Variants in FAF1 observed in about 807,000 individuals in gnomAD.
The protein encoded by FAF1 is FAS-associated factor 1.
In FAF1, 25 loss-of-function variants were observed where a neutral mutation model predicts 92.5. That is an observed-to-expected ratio of 0.27 (90% confidence interval 0.20 to 0.38). The LOEUF (loss-of-function observed/expected upper bound fraction) is 0.38. Among genes scored for constraint, FAF1 ranks in the 10% least tolerant of loss-of-function variants. The pLI is 1.00. For missense variants in FAF1, 636 were observed against 793.3 expected (o/e 0.80, Z 2.38); for synonymous variants, 234 against 273.2 (o/e 0.86, Z 1.42).
chr1:50,906,829 G>T (rs756981527), intron 1 of FAF1, among the ~76,000 whole-genome samples: 1 of 152,096 alleles, frequency 6.6e-6, no homozygotes, highest in South Asian at 2.1e-4. Flanking sequence ...CTGCAAACAG[G>T]GACAATCTGA....
intron 1 of FAF1, among the ~76,000 whole-genome samples, chr1:50,901,338 C>G (rs1160487585): frequency 6.6e-6 from 1 of 152,002 alleles, no homozygotes; most frequent in Non-Finnish European, 1.5e-5. Context: ...TATTTTAATT[C>G]CAAGTAATTT....
At chr1:50,519,344 G>A (rs1016491782) in intron 15 of FAF1, among the ~76,000 whole-genome samples, 1 of 121,686 alleles carries the variant, frequency 8.2e-6, no homozygotes, top group Non-Finnish European at 1.7e-5. Flanking sequence ...AGAAAGGAAG[G>A]AATGAAGGAA....
rs1383437010 is a variant in FAF1 at position 50,959,940 on chromosome 1, G to C, written c.-129C>G. ...CCGAGGGGCTGGCGGGCGAGCCGGCGGGCGGGTCGGCGGGCCAGCGGGCGG... is the reference window on the plus strand; with the variant it reads ...CCGAGGGGCTGGCGGGCGAGCCGGCCGGCGGGTCGGCGGGCCAGCGGGCGG... On this transcript the variant is annotated 5_prime_UTR_variant, in exon 1 of 19. Coordinates refer to ENST00000396153, the MANE Select transcript of FAF1 (RefSeq NM_007051.3). 3 of 464,694 alleles carry C rather than the reference G, an allele frequency of 6.5e-6. No individual in the cohort carries two copies. Among genetic ancestry groups the C allele is most frequent in the Non-Finnish European group, 3.2e-6 (1 of 317,082 alleles). 28.8% of individuals were successfully genotyped at this position (464,694 alleles called of 1,614,324 possible).
intron 1 of FAF1, among the ~76,000 whole-genome samples, chr1:50,952,943 C>T (rs1261817895): frequency 1.3e-5 from 2 of 152,064 alleles, no homozygotes; most frequent in Admixed American, 1.3e-4. Flanking sequence ...GCGGTTTTGT[C>T]GAATAGAAAA....
At chr1:50,803,339 G>C (rs937457265) in intron 2 of FAF1, among the ~76,000 whole-genome samples, 1 of 152,068 alleles carries the variant, frequency 6.6e-6, no homozygotes, top group African/African-American at 2.4e-5. Flanking sequence ...AAGTATAATG[G>C]GAAGAATACT....
chr1:50,682,918 C>CAATTT (rs1216569522), intron 7 of FAF1, among the ~76,000 whole-genome samples: 11 of 151,762 alleles, frequency 7.2e-5, no homozygotes, highest in Non-Finnish European at 1.6e-4. Context: ...TGGTGAAACC[C>CAATTT]TGTCTCCACT....
chr1:50,521,370 C>G (rs1034208936), intron 15 of FAF1, among the ~76,000 whole-genome samples: 3 of 152,084 alleles, frequency 2.0e-5, no homozygotes, highest in African/African-American at 7.2e-5. Flanking sequence ...CATAGGAATT[C>G]AAGTTAGTGT....
chr1:50,698,708 G>C (rs996321470), intron 7 of FAF1, among the ~76,000 whole-genome samples: 3 of 151,932 alleles, frequency 2.0e-5, no homozygotes, highest in Non-Finnish European at 4.4e-5. Context: ...TGGAAGGTTT[G>C]GGAATTCTCC....
chr1:50,786,714 C>T (rs966505100), intron 4 of FAF1, among the ~76,000 whole-genome samples: 21 of 152,200 alleles, frequency 1.4e-4, no homozygotes, highest in Non-Finnish European at 2.4e-4. Flanking sequence ...AGGCCCAGAC[C>T]TATTTGGTAA....
chr1:50,687,241 T>C (rs568429331), intron 7 of FAF1, among the ~76,000 whole-genome samples: 1 of 152,228 alleles, frequency 6.6e-6, no homozygotes, highest in South Asian at 2.1e-4. Context: ...AAGCTCTCAG[T>C]TCTCCATTTC....
intron 1 of FAF1, among the ~76,000 whole-genome samples, chr1:50,882,600 T>TTAAA (rs60244087): frequency 0.086 from 12,013 of 140,432 alleles, 524 homozygotes; most frequent in South Asian, 0.11. Flanking sequence ...AGACTCTGTC[T>TTAAA]TAAATAAATA....
intron 18 of FAF1, among the ~76,000 whole-genome samples, chr1:50,454,657 A>G (rs1434660693): frequency 6.6e-6 from 1 of 152,240 alleles, no homozygotes; most frequent in Non-Finnish European, 1.5e-5. Flanking sequence ...ACATAAGGTC[A>G]GTGTTTAAAG....
chr1:50,872,078 A>G (rs527965007), intron 1 of FAF1, among the ~76,000 whole-genome samples: 3 of 151,862 alleles, frequency 2.0e-5, no homozygotes, highest in Non-Finnish European at 4.4e-5. Context: ...AAAAAAAAAA[A>G]AAAAGAAAAA....
chr1:50,662,125 T>A (rs1655403057), intron 7 of FAF1, among the ~76,000 whole-genome samples: 1 of 152,204 alleles, frequency 6.6e-6, no homozygotes, highest in Non-Finnish European at 1.5e-5. Context: ...TTACTTCTTC[T>A]CATTAACCAT....
At chr1:50,490,732 A>C (rs1646829191) in intron 16 of FAF1, 67 bp from the exon 17 acceptor site, 2 of 1,008,548 alleles carry the variant, frequency 2.0e-6, no homozygotes, top group Non-Finnish European at 3.1e-6. Flanking sequence ...GAGAGAAATA[A>C]GGAAAGAGAA....
intron 8 of FAF1, among the ~76,000 whole-genome samples, chr1:50,633,421 G>A (rs1446264571): frequency 6.6e-6 from 1 of 152,176 alleles, no homozygotes; most frequent in Non-Finnish European, 1.5e-5. Context: ...GTGTTGGTAT[G>A]AAGTGGCACA....
intron 1 of FAF1, among the ~76,000 whole-genome samples, chr1:50,922,440 C>G: frequency 1.1e-5 from 1 of 93,528 alleles, no homozygotes; most frequent in East Asian, 3.7e-4. Context: ...GCCTGGGTGA[C>G]AGAGTAAGAC....
rs11205730 is a variant in FAF1 at position 50,534,895 on chromosome 1, A to C, written c.1494+474T>G. On this transcript the variant is annotated intron_variant, in intron 15 of 18. Transcript: ENST00000396153. ...GGTTGAGAAAACACCTGAATATGTT[A>C]AGGAAGCTGAGAAATTCAGAATGCT... Among the ~76,000 whole-genome samples the C allele has an allele frequency of 1.0e-2, 1,521 of 152,322 alleles. 24 individuals carry two copies. The highest frequency in any genetic ancestry group is 0.035 in the African/African-American group (1,441 of 41,570).
chr1:50,566,745 T>G (rs904709111), intron 13 of FAF1, among the ~76,000 whole-genome samples: 43 of 152,210 alleles, frequency 2.8e-4, no homozygotes, highest in African/African-American at 1.0e-3. Context: ...ATATTAGACT[T>G]GTTTTGCCTT....
Sources: allele counts gnomAD v4.1 joint callset (sites outside exome capture counted in the v4.1 genomes callset), GRCh38; gene constraint gnomAD v4.1.1; transcripts MANE v1.5; gene names NCBI Gene and HGNC (gene_info 2026-07-23, HGNC 2026-07-21).